The following COQ8B variants were observed in gnomAD, a reference collection of about 807,000 sequenced individuals.
The protein encoded by COQ8B is atypical kinase COQ8B, mitochondrial.
Under a neutral mutation model 62.0 loss-of-function variants are expected in COQ8B, and 44 were observed. That is an observed-to-expected ratio of 0.71 (90% CI 0.56 to 0.91). The LOEUF is 0.91. Among genes scored for constraint, COQ8B ranks in the 40% least tolerant of loss-of-function variants. The pLI, the probability that COQ8B is intolerant of heterozygous loss-of-function variation, is 0.00. For missense variants in COQ8B, 649 were observed against 731.6 expected, an observed-to-expected ratio of 0.89 and a Z score of 1.30; for synonymous variants, 252 against 289.9, an observed-to-expected ratio of 0.87 and a Z score of 1.33.
chr19:40,714,856 T>G, intron 1 of COQ8B: 1 of 1,314,042 alleles, frequency 7.6e-7, no homozygotes, highest in Non-Finnish European at 9.7e-7. Context: ...CTCCCAACCC[T>G]CGCCGTTGCT....
chr19:40,701,674 T>A (rs1187224885), intron 10 of COQ8B, among the ~76,000 whole-genome samples: 2 of 152,210 alleles, frequency 1.3e-5, no homozygotes, highest in Non-Finnish European at 2.9e-5. Context: ...GAGGGGATGC[T>A]CTCTGGAGGC....
Position 40,703,778 on chromosome 19 carries a change from G to A in COQ8B, c.654C>T (p.Ala218=), listed in dbSNP as rs1250151453. The A allele has an allele frequency of 6.2e-7, 1 of 1,614,094 alleles. No individual in the cohort carries two copies. The change falls in exon 8 of 15, where the codon GCC becomes GCT. Residue 218 remains alanine, a synonymous_variant. Transcript: ENST00000324464. ...GGCCCTGGTGCACCTGCCCAATTGA[G>A]GCAGCGGCAAAGGGCACCTCCTCCA... is the stretch of plus-strand genomic sequence containing the variant. ...ASLEEVPFAA[A]SIGQVHQGLL... is the part of the protein sequence containing the mutation.
chr19:40,713,489 C>A (rs1450031031), intron 4 of COQ8B, among the ~76,000 whole-genome samples: 1 of 149,736 alleles, frequency 6.7e-6, no homozygotes, highest in Non-Finnish European at 1.5e-5. Context: ...GTGGAGGTTG[C>A]AGTGAGCCAA....
chr19:40,706,755 T>A (rs554811704), intron 5 of COQ8B, among the ~76,000 whole-genome samples: 11 of 152,278 alleles, frequency 7.2e-5, no homozygotes, highest in Middle Eastern at 3.4e-3. Context: ...CCACCGCACC[T>A]GGCCTAAAAA....
At chr19:40,705,506 C>T (rs545663304) in intron 5 of COQ8B, 59 bp from the exon 6 acceptor site, 84 of 1,485,562 alleles carry the variant, frequency 5.7e-5, no homozygotes, top group African/African-American at 3.4e-4. Flanking sequence ...CGGCCAGGCC[C>T]GGCGGCCCAC....
chr19:40,697,875 G>GAGAGAGAGAAAGAGAGAGAC (rs58313890), intron 12 of COQ8B, among the ~76,000 whole-genome samples: 1 of 103,472 alleles, frequency 9.7e-6, no homozygotes, highest in African/African-American at 4.2e-5. Flanking sequence ...GAGAGAGAGA[G>GAGAGAGAGAAAGAGAGAGAC]AGTTTCTACT....
chr19:40,699,956 C>T (rs943544164), intron 12 of COQ8B, 111 bp downstream of exon 12: 16 of 1,033,814 alleles, frequency 1.5e-5, no homozygotes, highest in Non-Finnish European at 2.3e-5. Flanking sequence ...AAAAGGGCCA[C>T]CCCTGCCTAT....
In COQ8B at chr19:40,714,876, C is replaced by G. The variant is rs751976496; in HGVS notation, c.-3-241G>C. The G allele has an allele frequency of 3.5e-4, 455 of 1,309,818 alleles. 1 individual carries two copies. Among genetic ancestry groups the G allele is most frequent in the Non-Finnish European group, 2.9e-4 (298 of 1,031,372 alleles). 81.1% of individuals were successfully genotyped at this position (1,309,818 alleles called of 1,614,324 possible). A position where few individuals can be genotyped will look rare whatever the true frequency, so the allele number is the denominator to read the frequency against. ...AACCCTCGCCGTTGCTAGGGTCCGC[C>G]CCCGTTACTAGACACCCACAGTTCC... On this transcript the variant is annotated intron_variant, in intron 1 of 14. Transcript: ENST00000324464.
chr19:40,692,988 G>T lies in COQ8B; in HGVS notation c.1259C>A (p.Ser420Tyr). The T allele has an allele frequency of 6.2e-7, 1 of 1,613,946 alleles. No individual in the cohort carries two copies. The change falls in exon 14 of 15, where the codon TCC becomes TAC. Residue 420 changes from serine to tyrosine, a missense_variant. By Grantham distance (144) the Ser-to-Tyr change is moderately radical. Transcript: ENST00000324464. Reference sequence around the variant, plus strand: ...GCCTGTGAGGAATTTGAGGTCCCTGGACTTCTGCAGGACACAGTCTCTGTC... The same window carrying T: ...GCCTGTGAGGAATTTGAGGTCCCTGTACTTCTGCAGGACACAGTCTCTGTC... ...DGDRDCVLQK[S>Y]RDLKFLTGFE...
At chr19:40,704,073 C>T (rs2082082197) in intron 7 of COQ8B, 3 of 555,430 alleles carry the variant, frequency 5.4e-6, no homozygotes, top group Non-Finnish European at 9.3e-6. Context: ...TCAGCCTAGC[C>T]TGTGTCCCCT....
At chr19:40,693,811 G>C (rs973047579) in intron 13 of COQ8B, among the ~76,000 whole-genome samples, 6 of 152,296 alleles carry the variant, frequency 3.9e-5, no homozygotes, top group African/African-American at 1.4e-4. Flanking sequence ...ATTATTAAGA[G>C]GTGGGCACGG....
intron 12 of COQ8B, 111 bp from the exon 13 acceptor site, chr19:40,696,165 G>GGC: frequency 1.6e-6 from 2 of 1,243,554 alleles, no homozygotes; most frequent in Non-Finnish European, 2.3e-6. Flanking sequence ...GCTCCTGCCA[G>GGC]AGTCCCTGCC....
At chr19:40,707,114 C>T (rs563826413) in intron 5 of COQ8B, among the ~76,000 whole-genome samples, 12 of 151,788 alleles carry the variant, frequency 7.9e-5, no homozygotes, top group Non-Finnish European at 1.5e-4. Context: ...ACAAAAAATA[C>T]AAAAATTAGC....
intron 4 of COQ8B, among the ~76,000 whole-genome samples, chr19:40,711,740 T>C (rs1047440492): frequency 6.6e-6 from 1 of 152,220 alleles, no homozygotes; most frequent in Admixed American, 6.5e-5. Flanking sequence ...ATTTTCTGTG[T>C]CCTTTCTACA....
Position 40,702,632 on chromosome 19 carries a change from G to A in COQ8B, c.861C>T (p.Tyr287=). The change falls in exon 10 of 15, where the codon TAC becomes TAT. Residue 287 remains tyrosine (Y), a synonymous_variant. Transcript: ENST00000324464. ...LQQELAWECD[Y]RREAACAQNF... ...TCTGGGCACAAGCCGCCTCACGACG[G>A]TAGTCACACTCCCAAGCCAGCTCCT... is the stretch of plus-strand genomic sequence containing the variant. 1 of 1,612,570 alleles carries A rather than the reference G, an allele frequency of 6.2e-7. No homozygotes were observed. The highest frequency in any genetic ancestry group is 8.5e-7 in the Non-Finnish European group (1 of 1,179,980).
chr19:40,707,806 A>AT (rs2082112370), intron 5 of COQ8B, among the ~76,000 whole-genome samples: 1 of 152,174 alleles, frequency 6.6e-6, no homozygotes, highest in Non-Finnish European at 1.5e-5. Context: ...TCAGCCCTTC[A>AT]TTCCTTTTTA....
At chr19:40,697,851 T>TATATATATAGAGAGAGAGAGAG (rs1446181673) in intron 12 of COQ8B, among the ~76,000 whole-genome samples, 2 of 54,732 alleles carry the variant, frequency 3.7e-5, no homozygotes, top group African/African-American at 2.0e-4. Context: ...TATATATATA[T>TATATATATAGAGAGAGAGAGAG]AGAGAGAGAG....
Position 40,700,151 on chromosome 19 carries a change from C to A in COQ8B, c.1059G>T (p.Leu353=). The stretch of plus-strand genomic sequence containing the variant: ...GGAACTCAAACAGCTCCCGCAGACA[C>A]AGCGTCAGGAGCTGGAAGCAAATCT... ...RNQICFQLLT[L]CLRELFEFRF... is the part of the protein sequence containing the mutation. Residue 353 remains leucine, a synonymous_variant, in exon 12 of 15, where the codon CTG becomes CTT. Coordinates refer to ENST00000324464, the MANE Select transcript of COQ8B (RefSeq NM_024876.4). 1 of 1,614,252 alleles carries A rather than the reference C, an allele frequency of 6.2e-7. No homozygotes were observed. The highest frequency in any genetic ancestry group is 1.1e-5 in the South Asian group (1 of 91,084).
At chr19:40,693,071 G>A in intron 13 of COQ8B, 34 bp from the exon 14 acceptor site, 2 of 1,593,130 alleles carry the variant, frequency 1.3e-6, no homozygotes, top group Non-Finnish European at 1.7e-6. Context: ...AGGGACAAAG[G>A]CCGGGGCTCA....
Sources: allele counts gnomAD v4.1 joint callset (sites outside exome capture counted in the v4.1 genomes callset), GRCh38; gene constraint gnomAD v4.1.1; transcripts MANE v1.5; gene names NCBI Gene and HGNC (gene_info 2026-07-23, HGNC 2026-07-21).